Variants in HIGD1A observed in about 807,000 individuals in gnomAD.
HIGD1A encodes the protein HIG1 hypoxia inducible domain family member 1A, also known as HIG1 domain family member 1A, mitochondrial.
In HIGD1A, 8 loss-of-function variants were observed where a neutral mutation model predicts 11.3. The observed-to-expected ratio is 0.71, with a 90% CI of 0.42 to 1.28. The LOEUF (loss-of-function observed/expected upper bound fraction) is 1.28. Ranked by LOEUF, HIGD1A falls within the 50% of genes most tolerant of loss-of-function variation. The pLI is 0.01. For missense variants in HIGD1A, 107 were observed against 118.8 expected, an observed-to-expected ratio of 0.90 and a Z score of 0.46; for synonymous variants, 32 against 38.4, an observed-to-expected ratio of 0.83 and a Z score of 0.62.
At chr3:42,786,834 C>T (rs1025595934) in intron 2 of HIGD1A, among the ~76,000 whole-genome samples, 5 of 151,978 alleles carry the variant, frequency 3.3e-5, no homozygotes, top group African/African-American at 4.8e-5. Flanking sequence ...GGAGTGCAGC[C>T]GCACAATCAT....
intron 2 of HIGD1A, among the ~76,000 whole-genome samples, chr3:42,793,036 A>C (rs573581119): frequency 1.3e-5 from 2 of 152,228 alleles, no homozygotes; most frequent in Admixed American, 6.5e-5. Context: ...ACATGAGATA[A>C]AAATTATAAT....
chr3:42,803,408 G>A (rs1700594395), intron 1 of HIGD1A, among the ~76,000 whole-genome samples: 1 of 152,166 alleles, frequency 6.6e-6, no homozygotes, highest in African/African-American at 2.4e-5. Flanking sequence ...GTTTAAAATG[G>A]CTGCCAAGGC....
Position 42,784,143 on chromosome 3 carries a change from AT to A in HIGD1A, c.*1127del, listed in dbSNP as rs1269776101. Among the ~76,000 whole-genome samples, 12 of 152,238 alleles carry A rather than the reference AT, an allele frequency of 7.9e-5. No individual in the cohort carries two copies. Among genetic ancestry groups the A allele is most frequent in the African/African-American group, 2.2e-4 (9 of 41,594 alleles). ...AAAATTACCCACAAAAGGAAAAAAAATAAAACATACCATAAAGTAAAATATT... is the reference window on the plus strand; with the variant it reads ...AAAATTACCCACAAAAGGAAAAAAAAAAAACATACCATAAAGTAAAATATT... On this transcript the variant is annotated 3_prime_UTR_variant, in exon 4 of 4. Transcript: ENST00000321331.
chr3:42,802,939 G>A (rs1305532808), intron 1 of HIGD1A, among the ~76,000 whole-genome samples: 1 of 152,148 alleles, frequency 6.6e-6, no homozygotes. Flanking sequence ...AGAAGCCCAC[G>A]TTGTTCTCTT....
At chr3:42,800,274 C>T (rs556809271) in intron 1 of HIGD1A, among the ~76,000 whole-genome samples, 330 of 151,616 alleles carry the variant, frequency 2.2e-3, no homozygotes, top group African/African-American at 7.6e-3. Context: ...GGTTGCAGTG[C>T]GCTGAAATTG....
chr3:42,788,837 C>T (rs1700383736), intron 2 of HIGD1A, among the ~76,000 whole-genome samples: 1 of 151,412 alleles, frequency 6.6e-6, no homozygotes, highest in Non-Finnish European at 1.5e-5. Context: ...GAGATCCTGC[C>T]ACTGCACTCC....
intron 1 of HIGD1A, among the ~76,000 whole-genome samples, chr3:42,800,913 A>G (rs963955566): frequency 1.3e-5 from 2 of 151,920 alleles, no homozygotes; most frequent in Non-Finnish European, 2.9e-5. Context: ...AACTCCTTCC[A>G]GCTCCTGTCA....
intron 1 of HIGD1A, among the ~76,000 whole-genome samples, chr3:42,794,550 A>T (rs1047222891): frequency 4.6e-5 from 7 of 152,178 alleles, no homozygotes; most frequent in African/African-American, 1.4e-4. Flanking sequence ...ATAGTGAAAA[A>T]TTTTAAATTG....
chr3:42,796,013 A>C (rs541284403), intron 1 of HIGD1A, among the ~76,000 whole-genome samples: 1 of 152,292 alleles, frequency 6.6e-6, no homozygotes, highest in Non-Finnish European at 1.5e-5. Flanking sequence ...ACCCATATAA[A>C]ATCTTACTTT....
chr3:42,794,190 G>T lies in HIGD1A; in HGVS notation c.64C>A (p.Arg22=). ...ACGAATGGTGCCTCTTTAGCTTTTC[G>T]AATGAGTTTTGATCCCTGATCTTCC... ...YEEDQGSKLI[R]KAKEAPFVPV... The change falls in exon 2 of 4, where the codon CGA becomes AGA. Residue 22 remains arginine (R), a synonymous_variant. Coordinates refer to ENST00000321331, the MANE Select transcript of HIGD1A (RefSeq NM_014056.4). 1 of 1,604,624 alleles carries T rather than the reference G, an allele frequency of 6.2e-7. No individual in the cohort carries two copies. Among genetic ancestry groups the T allele is most frequent in the South Asian group, 1.1e-5 (1 of 88,838 alleles).
At chr3:42,804,162 G>C (rs760446409) in intron 1 of HIGD1A, 1 of 1,608,696 alleles carries the variant, frequency 6.2e-7, no homozygotes, top group Non-Finnish European at 8.5e-7. Flanking sequence ...TTCCCCGCTC[G>C]GCAACTCACT....
chr3:42,788,579 C>A (rs1425251553), intron 2 of HIGD1A, among the ~76,000 whole-genome samples: 2 of 152,022 alleles, frequency 1.3e-5, no homozygotes, highest in Admixed American at 1.3e-4. Context: ...GATACCAAAA[C>A]AAAATTAAGA....
At chr3:42,793,635 T>TG (rs1327098054) in intron 2 of HIGD1A, among the ~76,000 whole-genome samples, 1 of 152,256 alleles carries the variant, frequency 6.6e-6, no homozygotes, top group Non-Finnish European at 1.5e-5. Flanking sequence ...AGGATGGTCT[T>TG]GGGGTCCCCC....
intron 1 of HIGD1A, among the ~76,000 whole-genome samples, chr3:42,801,288 A>G (rs1023168630): frequency 2.6e-5 from 4 of 152,218 alleles, no homozygotes; most frequent in African/African-American, 4.8e-5. Context: ...ACTCAGGTTC[A>G]CATCTTAATT....
chr3:42,802,533 C>T (rs552219188), intron 1 of HIGD1A, among the ~76,000 whole-genome samples: 43 of 152,212 alleles, frequency 2.8e-4, no homozygotes, highest in Non-Finnish European at 6.0e-4. Flanking sequence ...CTAAAATACT[C>T]TCTGAATACA....
rs1309217890 is a variant in HIGD1A at position 42,794,178 on chromosome 3, C to T, written c.76G>A (p.Glu26Lys). The change falls in exon 2 of 4, where the codon GAG (glutamate) becomes AAG (lysine). Residue 26 changes from glutamate (E) to lysine (K), a missense_variant. Glu to Lys is a moderately conservative substitution (Grantham distance 56). Coordinates refer to ENST00000321331, the MANE Select transcript of HIGD1A (RefSeq NM_014056.4). ...QGSKLIRKAK[E>K]APFVPVGIAG... ...TTACCAACGGGTACGAATGGTGCCTCTTTAGCTTTTCGAATGAGTTTTGAT... is the reference window on the plus strand; with the variant it reads ...TTACCAACGGGTACGAATGGTGCCTTTTTAGCTTTTCGAATGAGTTTTGAT... 1 of 1,604,894 alleles carries T rather than the reference C, an allele frequency of 6.2e-7. No individual in the cohort carries two copies. Among genetic ancestry groups the T allele is most frequent in the East Asian group, 2.3e-5 (1 of 44,236 alleles).
intron 1 of HIGD1A, among the ~76,000 whole-genome samples, chr3:42,800,855 T>G (rs1424474939): frequency 3.3e-5 from 5 of 152,164 alleles, no homozygotes; most frequent in African/African-American, 1.2e-4. Flanking sequence ...GTATCTCCGT[T>G]TATTCTGTTT....
intron 2 of HIGD1A, 127 bp from the exon 3 acceptor site, chr3:42,786,289 A>C: frequency 8.9e-7 from 1 of 1,118,242 alleles, no homozygotes; most frequent in Non-Finnish European, 1.2e-6. Context: ...GCTAACATAC[A>C]AATTGAGTTT....
At chr3:42,786,946 C>T (rs149712093) in intron 2 of HIGD1A, among the ~76,000 whole-genome samples, 56 of 152,030 alleles carry the variant, frequency 3.7e-4, no homozygotes, top group African/African-American at 1.2e-3. Flanking sequence ...AGCTGCCACC[C>T]AGGTACTGAT....
Sources: allele counts gnomAD v4.1 joint callset (sites outside exome capture counted in the v4.1 genomes callset), GRCh38; gene constraint gnomAD v4.1.1; transcripts MANE v1.5; gene names NCBI Gene and HGNC (gene_info 2026-07-23, HGNC 2026-07-21).